Variants in CHIC2 observed in about 807,000 individuals in gnomAD.
CHIC2 encodes cysteine-rich hydrophobic domain-containing protein 2.
A neutral mutation model predicts 25.9 loss-of-function variants in CHIC2; 14 were observed. The ratio of observed to expected loss-of-function variants is 0.54; its 90% CI spans 0.36 to 0.85. CHIC2 has a LOEUF of 0.85. Ranked by LOEUF, CHIC2 falls within the 40% of genes least tolerant of loss-of-function variation. The pLI is 0.01. For missense variants in CHIC2, 146 were observed against 202.0 expected, an observed-to-expected ratio of 0.72 and a Z score of 1.68; for synonymous variants, 70 against 72.0, an observed-to-expected ratio of 0.97 and a Z score of 0.14.
the CHIC2 span, among the ~76,000 whole-genome samples, chr4:54,086,671 A>G: frequency 6.6e-6 from 1 of 152,232 alleles, no homozygotes; most frequent in African/African-American, 2.4e-5. Context: ...GATATTTTAA[A>G]AAGAGTGAGA....
chr4:54,065,761 T>A (rs749411858), upstream of CHIC2, among the ~76,000 whole-genome samples: 6 of 152,182 alleles, frequency 3.9e-5, no homozygotes, highest in Non-Finnish European at 8.8e-5. Flanking sequence ...GCAGTGTTCA[T>A]GTCACAGTAG....
chr4:54,040,255 G>C (rs2110077877), intron 3 of CHIC2, among the ~76,000 whole-genome samples: 1 of 152,260 alleles, frequency 6.6e-6, no homozygotes. Flanking sequence ...CAATTTGGAA[G>C]GTCTAAAAAA....
chr4:54,020,416 T>C lies in CHIC2; in HGVS notation c.331-6297A>G, dbSNP rs539662067. Among the ~76,000 whole-genome samples, 3 of 152,334 alleles carry C rather than the reference T, an allele frequency of 2.0e-5. No individual in the cohort carries two copies. The South Asian group carries it at 6.2e-4, about 32-fold the overall frequency. ...CCCACCACCTTTTGCTGACTCTCTT[T>C]TTGGACTCAGCCCGCCTGCACCCAG... On this transcript the variant is annotated intron_variant, in intron 3 of 5. Coordinates refer to ENST00000263921, the MANE Select transcript of CHIC2 (RefSeq NM_012110.4).
At chr4:54,047,064 G>C (rs1348601223) in intron 3 of CHIC2, among the ~76,000 whole-genome samples, 2 of 152,126 alleles carry the variant, frequency 1.3e-5, no homozygotes, top group Non-Finnish European at 2.9e-5. Context: ...ATCATCACTG[G>C]CCATCAGAGA....
intron 3 of CHIC2, among the ~76,000 whole-genome samples, chr4:54,032,603 A>C (rs1326904952): frequency 2.6e-5 from 4 of 152,192 alleles, no homozygotes; most frequent in African/African-American, 9.7e-5. Flanking sequence ...TTATAATGAT[A>C]AAGAGGTCAA....
chr4:54,086,481 C>T, the CHIC2 span, among the ~76,000 whole-genome samples: 1 of 152,122 alleles, frequency 6.6e-6, no homozygotes, highest in African/African-American at 2.4e-5. Context: ...TGGTTGTTCT[C>T]AATGAACCCA....
the CHIC2 span, among the ~76,000 whole-genome samples, chr4:54,085,291 TAAC>T: frequency 6.6e-6 from 1 of 152,222 alleles, no homozygotes; most frequent in Admixed American, 6.5e-5. Context: ...ATTCTTGCCT[TAAC>T]AACAGCTATT....
chr4:54,047,306 C>A (rs1190117265), intron 3 of CHIC2, among the ~76,000 whole-genome samples: 2 of 152,098 alleles, frequency 1.3e-5, no homozygotes, highest in Non-Finnish European at 2.9e-5. Flanking sequence ...TGGGTATATA[C>A]CCAAAGGATT....
chr4:54,029,512 A>G (rs550260712), intron 3 of CHIC2, among the ~76,000 whole-genome samples: 3 of 152,222 alleles, frequency 2.0e-5, no homozygotes, highest in Non-Finnish European at 4.4e-5. Flanking sequence ...ATCAATAACA[A>G]CAGCAGTTAT....
At chr4:54,070,406 TTATG>T in the CHIC2 span, among the ~76,000 whole-genome samples, 138 of 88,050 alleles carry the variant, frequency 1.6e-3, no homozygotes, top group African/African-American at 4.1e-3. Flanking sequence ...ATTTATTTAT[TTATG>T]TATTTATGTA....
chr4:54,013,879 T>A lies in CHIC2; in HGVS notation c.405A>T (p.Arg135Ser), dbSNP rs1169668236. Residue 135 changes from arginine to serine, a missense_variant, in exon 5 of 6, where the codon AGA becomes AGT. Physicochemically the swap from Arg to Ser is moderately radical, Grantham distance 110. Coordinates refer to ENST00000263921, the MANE Select transcript of CHIC2 (RefSeq NM_012110.4). Reference sequence around the variant, plus strand: ...TCGTTTCACATTTCCTTTTGCTCAGTCTCCAATGCAAGCACAGCTAGACAA... The same window carrying A: ...TCGTTTCACATTTCCTTTTGCTCAGACTCCAATGCAAGCACAGCTAGACAA... ...RLYHKLCLHW[R>S]LSKRKCETNN... 3.7e-6 allele frequency: 6 copies of A among 1,613,278 alleles called. No homozygotes were observed. In the African/African-American group the frequency reaches 8.0e-5, roughly 22 times the overall value.
chr4:54,062,882 T>TATA (rs1717379522), intron 1 of CHIC2, among the ~76,000 whole-genome samples: 1 of 152,250 alleles, frequency 6.6e-6, no homozygotes, highest in African/African-American at 2.4e-5. Flanking sequence ...TGGTTATACT[T>TATA]CTTAAGCTGG....
the CHIC2 span, among the ~76,000 whole-genome samples, chr4:54,070,020 A>G: frequency 6.6e-6 from 1 of 152,250 alleles, no homozygotes; most frequent in Non-Finnish European, 1.5e-5. Context: ...CCATGGGAGT[A>G]GTAAACCCAC....
chr4:54,083,018 C>CTTTCTT, the CHIC2 span, among the ~76,000 whole-genome samples: 1 of 67,916 alleles, frequency 1.5e-5, no homozygotes, highest in African/African-American at 6.4e-5. Context: ...TTCTTTCTTT[C>CTTTCTT]TTTTTTTTTT....
At chr4:54,044,014 ATAAAACAGACTT>A in intron 3 of CHIC2, among the ~76,000 whole-genome samples, 2 of 152,356 alleles carry the variant, frequency 1.3e-5, no homozygotes, top group South Asian at 4.1e-4. Context: ...CTAGTCTCGG[ATAAAACAGACTT>A]TAAACCAACA....
upstream of CHIC2, among the ~76,000 whole-genome samples, chr4:54,068,118 C>T (rs568602005): frequency 3.3e-5 from 5 of 152,096 alleles, no homozygotes; most frequent in East Asian, 9.7e-4. Flanking sequence ...AGACAGTCAT[C>T]TGCAAGCCAG....
At chr4:54,017,954 A>T (rs1487770803) in intron 3 of CHIC2, among the ~76,000 whole-genome samples, 3 of 152,234 alleles carry the variant, frequency 2.0e-5, no homozygotes, top group Admixed American at 6.5e-5. Context: ...CAGGAGATTT[A>T]AAAAATATCA....
At chr4:54,088,259 A>G in the CHIC2 span, among the ~76,000 whole-genome samples, 1 of 152,086 alleles carries the variant, frequency 6.6e-6, no homozygotes, top group Non-Finnish European at 1.5e-5. Flanking sequence ...TTCCTTAGGC[A>G]TTCTGTCTTT....
intron 3 of CHIC2, among the ~76,000 whole-genome samples, chr4:54,022,273 C>T (rs898731744): frequency 3.0e-4 from 46 of 152,296 alleles, no homozygotes; most frequent in African/African-American, 1.0e-3. Flanking sequence ...AGCTTAGTGG[C>T]TGAAGACCGA....
Sources: gnomAD v4.1 joint callset for allele counts (sites outside exome capture counted in the v4.1 genomes callset) on GRCh38, gnomAD v4.1.1 for gene constraint, MANE v1.5 for transcripts, NCBI Gene and HGNC (gene_info 2026-07-23, HGNC 2026-07-21) for gene names.